The following XRCC4 variants were observed in gnomAD, a reference collection of about 807,000 sequenced individuals.
XRCC4 encodes the protein DNA repair protein XRCC4.
XRCC4 carries 28 observed loss-of-function variants against 39.1 expected under a neutral mutation model. That is an observed-to-expected ratio of 0.72 (90% CI 0.53 to 0.98). The LOEUF is 0.98. Among genes scored for constraint, XRCC4 ranks in the 50% least tolerant of loss-of-function variants. XRCC4 has a pLI of 0.00. For synonymous variants in XRCC4, 123 were observed against 126.4 expected (o/e 0.97, Z 0.18); for missense variants, 350 against 376.4 (o/e 0.93, Z 0.58).
At chr5:83,178,762 G>A (rs931291079) in intron 3 of XRCC4, among the ~76,000 whole-genome samples, 3 of 152,164 alleles carry the variant, frequency 2.0e-5, no homozygotes, top group Non-Finnish European at 4.4e-5. Flanking sequence ...CTGGAGAGAG[G>A]ATAATCGACA....
chr5:83,277,940 T>C (rs1754392827), intron 7 of XRCC4, among the ~76,000 whole-genome samples: 1 of 152,242 alleles, frequency 6.6e-6, no homozygotes, highest in African/African-American at 2.4e-5. Flanking sequence ...AAGAAAACAA[T>C]ATCTTGTTTA....
At chr5:83,268,289 C>A (rs28360252) in intron 7 of XRCC4, among the ~76,000 whole-genome samples, 1 of 151,958 alleles carries the variant, frequency 6.6e-6, no homozygotes, top group Non-Finnish European at 1.5e-5. Flanking sequence ...TAGTCTTTAC[C>A]AAAATAAATC....
chr5:83,210,264 T>G (rs1751590008), intron 6 of XRCC4, among the ~76,000 whole-genome samples: 2 of 152,186 alleles, frequency 1.3e-5, no homozygotes, highest in Admixed American at 6.5e-5. Context: ...CCAGCTTGTT[T>G]ATCATAGACA....
At chr5:83,280,378 C>A in intron 7 of XRCC4, 1 of 537,786 alleles carries the variant, frequency 1.9e-6, no homozygotes, top group South Asian at 2.3e-5. Context: ...TCTTGAATGT[C>A]TTAAAATTCT....
chr5:83,296,388 T>G (rs1561460441), intron 7 of XRCC4, among the ~76,000 whole-genome samples: 1 of 152,152 alleles, frequency 6.6e-6, no homozygotes, highest in African/African-American at 2.4e-5. Context: ...TATGACAGTC[T>G]TGCATAGGAC....
In XRCC4 at chr5:83,217,358, C is replaced by CAAAAAAAAAAAAAAAAAAAAAAAA. The variant is rs59416363; in HGVS notation, c.745+12456_745+12457insAAAAAAAAAAAAAAAAAAAAAAAA. ...GGCAGCGCAGAGCAAGACTCCGTCT[C>CAAAAAAAAAAAAAAAAAAAAAAAA]AAAAAAAAAAAAAAAAAAACCATTG... On this transcript the variant is annotated intron_variant, in intron 6 of 7. Coordinates refer to ENST00000396027, the MANE Select transcript of XRCC4 (RefSeq NM_003401.5). Among the ~76,000 whole-genome samples the CAAAAAAAAAAAAAAAAAAAAAAAA allele has an allele frequency of 1.0e-4, 10 of 96,130 alleles. 2 individuals carry two copies. The highest frequency in any genetic ancestry group is 4.7e-4 in the African/African-American group (10 of 21,242). 63.1% of individuals were successfully genotyped at this position (96,130 alleles called of 152,430 possible).
Position 83,195,819 on chromosome 5 carries a change from T to A in XRCC4, c.365T>A (p.Val122Asp), listed in dbSNP as rs1395194011. 6.2e-7 allele frequency: 1 copy of A among 1,610,734 alleles called. No individual in the cohort carries two copies. Residue 122 changes from valine (V) to aspartate (D), a missense_variant, in exon 4 of 8, where the codon GTC becomes GAC. Transcript: ENST00000396027. ...NLEKVENPAEVIRELICYCLD... is the reference protein window; with the variant it reads ...NLEKVENPAEDIRELICYCLD... ...GAGAAAGTTGAAAACCCAGCTGAAG[T>A]CATTAGAGAACTTATTTGTTATTGC...
chr5:83,227,495 T>C (rs766217450), intron 6 of XRCC4, among the ~76,000 whole-genome samples: 55 of 152,038 alleles, frequency 3.6e-4, no homozygotes, highest in Non-Finnish European at 5.9e-4. Context: ...ATTGATATAA[T>C]TAGGAAATAG....
chr5:83,148,869 TAAA>T (rs28360079), intron 3 of XRCC4, among the ~76,000 whole-genome samples: 2,392 of 151,938 alleles, frequency 0.016, 37 homozygotes, highest in East Asian at 0.071. Context: ...AATGAAGAAA[TAAA>T]AAATAGTAAA....
At chr5:83,114,780 C>T (rs554757590) in intron 3 of XRCC4, among the ~76,000 whole-genome samples, 13 of 152,272 alleles carry the variant, frequency 8.5e-5, no homozygotes, top group African/African-American at 2.2e-4. Flanking sequence ...TTCACATTTT[C>T]GGGTACCTTT....
intron 7 of XRCC4, among the ~76,000 whole-genome samples, chr5:83,267,883 C>A (rs1754013064): frequency 6.6e-6 from 1 of 152,108 alleles, no homozygotes; most frequent in African/African-American, 2.4e-5. Flanking sequence ...ATGCCTGTAT[C>A]ATTGAGGTGC....
intron 7 of XRCC4, among the ~76,000 whole-genome samples, chr5:83,343,451 C>T (rs1331617670): frequency 6.6e-6 from 1 of 152,088 alleles, no homozygotes; most frequent in Non-Finnish European, 1.5e-5. Context: ...AGTATTCTTC[C>T]AGGCTATTCT....
intron 7 of XRCC4, among the ~76,000 whole-genome samples, chr5:83,333,097 A>T (rs1313352763): frequency 6.6e-6 from 1 of 152,152 alleles, no homozygotes; most frequent in African/African-American, 2.4e-5. Flanking sequence ...CTTTCAACAG[A>T]ATTTTGAATA....
At chr5:83,189,486 C>A (rs1343454904) in intron 3 of XRCC4, among the ~76,000 whole-genome samples, 2 of 152,082 alleles carry the variant, frequency 1.3e-5, no homozygotes, top group East Asian at 1.9e-4. Context: ...ATTTTAAGAA[C>A]CTGTAAGATC....
In XRCC4 at chr5:83,077,561, C is replaced by G. The variant is rs1744714382; in HGVS notation, c.-65C>G. On this transcript the variant is annotated 5_prime_UTR_variant, in exon 1 of 8. Coordinates refer to ENST00000396027, the MANE Select transcript of XRCC4 (RefSeq NM_003401.5). ...CTGATACTCTCATTGGTTGCAAAACCTTGATCTGTGAAAGCGGGCGTTTTG... is the reference window on the plus strand; with the variant it reads ...CTGATACTCTCATTGGTTGCAAAACGTTGATCTGTGAAAGCGGGCGTTTTG... 3.6e-6 allele frequency: 2 copies of G among 551,768 alleles called. No homozygotes were observed. Among genetic ancestry groups the G allele is most frequent in the Non-Finnish European group, 6.5e-6 (2 of 306,950 alleles). 34.2% of individuals were successfully genotyped at this position (551,768 alleles called of 1,614,324 possible).
At chr5:83,258,937 A>G (rs1753654989) in intron 7 of XRCC4, 1 of 373,238 alleles carries the variant, frequency 2.7e-6, no homozygotes, top group Non-Finnish European at 4.8e-6. Context: ...AATGGCATGT[A>G]GGATACAAAA....
intron 6 of XRCC4, among the ~76,000 whole-genome samples, chr5:83,241,645 G>T (rs1303836206): frequency 6.6e-6 from 1 of 152,086 alleles, no homozygotes; most frequent in African/African-American, 2.4e-5. Flanking sequence ...GTTTAGAGGT[G>T]CTCACTTCCC....
At chr5:83,226,082 A>G (rs762156228) in intron 6 of XRCC4, among the ~76,000 whole-genome samples, 2 of 151,990 alleles carry the variant, frequency 1.3e-5, no homozygotes, top group African/African-American at 2.4e-5. Flanking sequence ...CAGGGGATGA[A>G]GTCCCTGGAG....
At chr5:83,266,012 G>A (rs1186438668) in intron 7 of XRCC4, among the ~76,000 whole-genome samples, 1 of 151,790 alleles carries the variant, frequency 6.6e-6, no homozygotes, top group Non-Finnish European at 1.5e-5. Flanking sequence ...TTAAGTAAAG[G>A]GGATTTATCG....
Sources: allele counts gnomAD v4.1 joint callset (sites outside exome capture counted in the v4.1 genomes callset), GRCh38; gene constraint gnomAD v4.1.1; transcripts MANE v1.5; gene names NCBI Gene and HGNC (gene_info 2026-07-23, HGNC 2026-07-21).